Variants in PPP1R26 observed in about 807,000 individuals in gnomAD.
PPP1R26 encodes the protein protein phosphatase 1 regulatory subunit 26.
A neutral mutation model predicts 67.6 loss-of-function variants in PPP1R26; 22 were observed. The ratio of observed to expected loss-of-function variants is 0.33; its 90% CI spans 0.23 to 0.46. PPP1R26 has a LOEUF of 0.46. Ranked by LOEUF, PPP1R26 falls within the 20% of genes least tolerant of loss-of-function variation. PPP1R26 has a pLI of 1.00. For synonymous variants in PPP1R26, 729 were observed against 717.2 expected, an observed-to-expected ratio of 1.02 and a Z score of -0.26; for missense variants, 1,602 against 1,651.4, an observed-to-expected ratio of 0.97 and a Z score of 0.52.
At position 135,484,430 on chromosome 9, in the gene PPP1R26, G is replaced by C; in HGVS notation, c.-62-19G>C. Reference sequence around the variant, plus strand: ...CTGTTTGTAGCTGCATCATGCCCATGTGCTTTCTTTCCGCCCAGGATGTGA... The same window carrying C: ...CTGTTTGTAGCTGCATCATGCCCATCTGCTTTCTTTCCGCCCAGGATGTGA... On this transcript the variant is annotated intron_variant, in intron 3 of 3. Coordinates refer to ENST00000356818, the MANE Select transcript of PPP1R26 (RefSeq NM_014811.5). The C allele has an allele frequency of 1.5e-6, 2 of 1,313,134 alleles. No individual in the cohort carries two copies. Among genetic ancestry groups the C allele is most frequent in the South Asian group, 1.4e-5 (1 of 70,606 alleles). The allele number at this position is 1,313,134 out of a possible 1,614,324, so 81.3% of individuals were successfully genotyped here. A position where few individuals can be genotyped will look rare whatever the true frequency, so the allele number is the denominator to read the frequency against.
rs758181452 is a variant in PPP1R26 at position 135,487,921 on chromosome 9, A to T, written c.3411A>T (p.Ala1137=). The change falls in exon 4 of 4, where the codon GCA becomes GCT. Residue 1137 remains alanine, a synonymous_variant. Transcript: ENST00000356818. ...SPVFGSPHLL[A]KKDGGPWPTR... ...TCTTTGGAAGCCCACACTTGCTGGCAAAGAAGGACGGCGGCCCCTGGCCAA... is the reference window on the plus strand; with the variant it reads ...TCTTTGGAAGCCCACACTTGCTGGCTAAGAAGGACGGCGGCCCCTGGCCAA... 1 of 1,578,166 alleles carries T rather than the reference A, an allele frequency of 6.3e-7. No individual in the cohort carries two copies. Among genetic ancestry groups the T allele is most frequent in the Non-Finnish European group, 8.6e-7 (1 of 1,163,194 alleles).
chr9:135,484,179 C>T (rs1006951978), intron 3 of PPP1R26, 97 bp downstream of exon 3: 7 of 465,408 alleles, frequency 1.5e-5, no homozygotes, highest in African/African-American at 2.0e-5. Flanking sequence ...CGGGCGGCAC[C>T]GTGGAGGGTG....
rs1283474667 is a variant in PPP1R26, at chr9:135,484,717, A to C, written c.207A>C (p.Ala69=). Residue 69 remains alanine (A), a synonymous_variant, in exon 4 of 4, where the codon GCA becomes GCC. Coordinates refer to ENST00000356818, the MANE Select transcript of PPP1R26 (RefSeq NM_014811.5). ...AARGTSDERA[A]QRGHRAEGCH... ...GGGGCACCAGCGATGAGCGCGCCGC[A>C]CAGAGGGGCCACAGGGCAGAGGGAT... 1 of 1,609,958 alleles carries C rather than the reference A, an allele frequency of 6.2e-7. No homozygotes were observed. The highest frequency in any genetic ancestry group is 1.1e-5 in the South Asian group (1 of 90,926).
At position 135,484,753 on chromosome 9, in the gene PPP1R26, C is replaced by T. The variant is rs770105235; in HGVS notation, c.243C>T (p.Ala81=). 5.0e-6 allele frequency: 8 copies of T among 1,610,194 alleles called. No individual in the cohort carries two copies. The Admixed American group carries it at 1.3e-4, about 27-fold the overall frequency. ...RGHRAEGCHD[A]RPAAKPTVHK... is the part of the protein sequence containing the mutation. ...ACAGGGCAGAGGGATGCCACGACGC[C>T]AGGCCGGCTGCCAAGCCCACCGTGC... Residue 81 remains alanine, a synonymous_variant, in exon 4 of 4, where the codon GCC becomes GCT. Transcript: ENST00000356818.
intron 2 of PPP1R26, among the ~76,000 whole-genome samples, chr9:135,483,029 G>A (rs1285554270): frequency 2.5e-5 from 3 of 121,922 alleles, no homozygotes; most frequent in African/African-American, 9.6e-5. Flanking sequence ...TCATTCTGTC[G>A]CCCAGACTGG....
Position 135,486,380 on chromosome 9 carries a change from A to G in PPP1R26, c.1870A>G (p.Ser624Gly). Reference sequence around the variant, plus strand: ...AGACGGTAGCCAGGATGCCGACCACAGCCAGGGGAGAGCTGAGCCCGGCCA... The same window carrying G: ...AGACGGTAGCCAGGATGCCGACCACGGCCAGGGGAGAGCTGAGCCCGGCCA... ...VKDGSQDADH[S>G]QGRAEPGHER... Residue 624 changes from serine to glycine, a missense_variant, in exon 4 of 4, where the codon AGC becomes GGC. Physicochemically the swap from Ser to Gly is moderately conservative, Grantham distance 56. Transcript: ENST00000356818. The surrounding 1 kb of genome is among the most constrained non-coding windows in gnomAD (Gnocchi z 6.2). The G allele has an allele frequency of 6.2e-7, 1 of 1,613,218 alleles. No homozygotes were observed. Among genetic ancestry groups the G allele is most frequent in the Non-Finnish European group, 8.5e-7 (1 of 1,179,944 alleles).
chr9:135,480,476 T>C (rs1830474581), intron 1 of PPP1R26: 1 of 152,122 alleles, frequency 6.6e-6, no homozygotes, highest in Non-Finnish European at 1.5e-5. Context: ...GCAGACCTGC[T>C]TGGAGGCCCG....
Position 135,485,544 on chromosome 9 carries a change from G to A in PPP1R26, c.1034G>A (p.Arg345Lys). ...ATCAAAAGGAGCGCCAGCGCTGCAA[G>A]GAGGGGAAAGCGAGTCATGAGTGCG... ...GGIKRSASAA[R>K]RGKRVMSAAQ... The change falls in exon 4 of 4, where the codon AGG becomes AAG. Residue 345 changes from arginine to lysine, a missense_variant. Physicochemically the swap from Arg to Lys is conservative, Grantham distance 26. This residue lies in a region of PPP1R26 where 680 missense variants were observed against 726.1 expected (regional missense o/e 0.94). Transcript: ENST00000356818. This position sits in a 1 kb window ranked among gnomAD's most constrained non-coding sequence, Gnocchi z 7.2. The A allele has an allele frequency of 6.2e-7, 1 of 1,613,296 alleles. No individual in the cohort carries two copies.
intron 2 of PPP1R26, 124 bp downstream of exon 2, chr9:135,482,939 C>T: frequency 2.6e-6 from 1 of 389,510 alleles, no homozygotes; most frequent in Non-Finnish European, 4.5e-6. Context: ...TTTGGGCTCA[C>T]CTGTGTGTAG....
In PPP1R26 at chr9:135,484,699, C is replaced by T; in HGVS notation, c.189C>T (p.Thr63=). 6.2e-7 allele frequency: 1 copy of T among 1,609,890 alleles called. No homozygotes were observed. The highest frequency in any genetic ancestry group is 1.3e-5 in the African/African-American group (1 of 75,034). The part of the protein sequence containing the change: ...TLQRDGAARG[T]SDERAAQRGH... The stretch of plus-strand genomic sequence containing the variant: ...AGCGCGACGGGGCTGCTCGGGGCAC[C>T]AGCGATGAGCGCGCCGCACAGAGGG... The change falls in exon 4 of 4, where the codon ACC becomes ACT. Residue 63 remains threonine (T), a synonymous_variant. Coordinates refer to ENST00000356818, the MANE Select transcript of PPP1R26 (RefSeq NM_014811.5).
chr9:135,487,083 T>C lies in PPP1R26; in HGVS notation c.2573T>C (p.Val858Ala). 12 of 1,611,500 alleles carry C rather than the reference T, an allele frequency of 7.4e-6. No homozygotes were observed. Among genetic ancestry groups the C allele is most frequent in the Non-Finnish European group, 1.0e-5 (12 of 1,179,972 alleles). The change falls in exon 4 of 4, where the codon GTT becomes GCT. Residue 858 changes from valine (V) to alanine (A), a missense_variant. By Grantham distance (64) the Val-to-Ala change is moderately conservative. Coordinates refer to ENST00000356818, the MANE Select transcript of PPP1R26 (RefSeq NM_014811.5). ...AAGGAGTCAGTGAGCAGTTCAGAAGTTCAGGCAGAGGGCCCCACCGCTCTT... is the reference window on the plus strand; with the variant it reads ...AAGGAGTCAGTGAGCAGTTCAGAAGCTCAGGCAGAGGGCCCCACCGCTCTT... The part of the protein sequence containing the change: ...KAKESVSSSE[V>A]QAEGPTALGT...
chr9:135,488,201 T>C lies in PPP1R26; in HGVS notation c.*61T>C, dbSNP rs1830841428. The C allele has an allele frequency of 6.8e-7, 1 of 1,469,486 alleles. No individual in the cohort carries two copies. The allele number at this position is 1,469,486 out of a possible 1,614,324, so 91.0% of individuals were successfully genotyped here. A position where few individuals can be genotyped will look rare whatever the true frequency, so the allele number is the denominator to read the frequency against. ...GCATTCGTGGAAAGCGGCGTAGCCG[T>C]GCGTGTGTGTGATGGTTCCGTGGCT... On this transcript the variant is annotated 3_prime_UTR_variant, in exon 4 of 4. Transcript: ENST00000356818.
Position 135,487,727 on chromosome 9 carries a change from C to T in PPP1R26, c.3217C>T (p.Leu1073=), listed in dbSNP as rs754059584. The T allele has an allele frequency of 6.9e-7, 1 of 1,455,208 alleles. No individual in the cohort carries two copies. Among genetic ancestry groups the T allele is most frequent in the Admixed American group, 2.9e-5 (1 of 34,968 alleles). The allele number at this position is 1,455,208 out of a possible 1,614,324, so 90.1% of individuals were successfully genotyped here. A position where few individuals can be genotyped will look rare whatever the true frequency, so the allele number is the denominator to read the frequency against. ...GGGCCCCGCCCGGGGCCTGCCCAGCCTGCCCCTTGCGGGCTTCTCGCCGCT... is the reference window on the plus strand; with the variant it reads ...GGGCCCCGCCCGGGGCCTGCCCAGCTTGCCCCTTGCGGGCTTCTCGCCGCT... ...SEGPARGLPS[L]PLAGFSPLLS... The change falls in exon 4 of 4, where the codon CTG becomes TTG. Residue 1073 remains leucine, a synonymous_variant. Transcript: ENST00000356818.
intron 1 of PPP1R26, among the ~76,000 whole-genome samples, chr9:135,481,018 C>T (rs917001473): frequency 2.0e-5 from 3 of 152,084 alleles, no homozygotes; most frequent in Non-Finnish European, 4.4e-5. Flanking sequence ...AGTGTGGGTG[C>T]TTTGGTTCTC....
In PPP1R26 at chr9:135,480,021, A is replaced by C; in HGVS notation, c.-330A>C. ...GCGGCGGGCGGCGGGGGACGGGCGG[A>C]GGTGAGCGGGTGCAGGGCCGGGGCC... On this transcript the variant is annotated splice_region_variant and 5_prime_UTR_variant, in exon 1 of 4. Coordinates refer to ENST00000356818, the MANE Select transcript of PPP1R26 (RefSeq NM_014811.5). 1 of 110,346 alleles carries C rather than the reference A, an allele frequency of 9.1e-6. No homozygotes were observed. The highest frequency in any genetic ancestry group is 1.9e-5 in the Non-Finnish European group (1 of 52,576). The allele number at this position is 110,346 out of a possible 1,614,324, so 6.8% of individuals were successfully genotyped here.
At position 135,486,879 on chromosome 9, in the gene PPP1R26, C is replaced by T. The variant is rs147012627; in HGVS notation, c.2369C>T (p.Ala790Val). 2.2e-5 allele frequency: 35 copies of T among 1,612,308 alleles called. No individual in the cohort carries two copies. The African/African-American group carries it at 2.5e-4, about 12-fold the overall frequency. ...CAGGAGGGTGCCGCGAGCCAGGACG[C>T]GGCCCTGGCCTTCCGGGTGAGGAGA... is the stretch of plus-strand genomic sequence containing the variant. ...MRQEGAASQD[A>V]ALAFRVRRPA... The change falls in exon 4 of 4, where the codon GCG becomes GTG. Residue 790 changes from alanine (A) to valine (V), a missense_variant. This residue lies in a region of PPP1R26 where 740 missense variants were observed against 696.3 expected (regional missense o/e 1.06). Transcript: ENST00000356818. This position sits in a 1 kb window ranked among gnomAD's most constrained non-coding sequence, Gnocchi z 6.2.
chr9:135,487,927 G>A lies in PPP1R26; in HGVS notation c.3417G>A (p.Lys1139=), dbSNP rs1366024271. Residue 1139 remains lysine, a synonymous_variant, in exon 4 of 4, where the codon AAG becomes AAA. Transcript: ENST00000356818. The part of the protein sequence containing the change: ...VFGSPHLLAK[K]DGGPWPTRKA... The stretch of plus-strand genomic sequence containing the variant: ...GAAGCCCACACTTGCTGGCAAAGAA[G>A]GACGGCGGCCCCTGGCCAACCAGGA... The A allele has an allele frequency of 1.3e-6, 2 of 1,580,842 alleles. No individual in the cohort carries two copies. Among genetic ancestry groups the A allele is most frequent in the South Asian group, 1.2e-5 (1 of 86,460 alleles).
chr9:135,486,959 C>T lies in PPP1R26; in HGVS notation c.2449C>T (p.Pro817Ser), dbSNP rs1830760404. 6.2e-7 allele frequency: 1 copy of T among 1,612,940 alleles called. No homozygotes were observed. ...TCCATTCCCCAGGGAGTCCCAGGGC[C>T]CAGCTCCCAGCCCCGGCTCCCTGTC... Reference protein sequence around the residue: ...GNPFPRESQGPAPSPGSLSDD... With the variant: ...GNPFPRESQGSAPSPGSLSDD... The change falls in exon 4 of 4, where the codon CCA becomes TCA. Residue 817 changes from proline to serine, a missense_variant. By Grantham distance (74) the Pro-to-Ser change is moderately conservative. Transcript: ENST00000356818. The surrounding 1 kb of genome is among the most constrained non-coding windows in gnomAD (Gnocchi z 6.2).
At position 135,488,826 on chromosome 9, in the gene PPP1R26, G is replaced by T. The variant is rs1830865428; in HGVS notation, c.*686G>T. 6.0e-6 allele frequency: 1 copy of T among 166,906 alleles called. No homozygotes were observed. The highest frequency in any genetic ancestry group is 2.4e-5 in the African/African-American group (1 of 41,420). 10.3% of individuals were successfully genotyped at this position (166,906 alleles called of 1,614,324 possible). A position where few individuals can be genotyped will look rare whatever the true frequency, so the allele number is the denominator to read the frequency against. ...GGCAGCCCAGCCCTGGGCCTGGGTG[G>T]GTTCATGTCCAATCTTGTTCGATCA... On this transcript the variant is annotated 3_prime_UTR_variant, in exon 4 of 4. Transcript: ENST00000356818.
Sources: gnomAD v4.1 joint callset for allele counts (sites outside exome capture counted in the v4.1 genomes callset) on GRCh38, gnomAD v4.1.1 for gene constraint, gnomAD v4.1.1 regional missense constraint, Gnocchi (gnomAD v3.1) non-coding constraint, MANE v1.5 for transcripts, NCBI Gene and HGNC (gene_info 2026-07-23, HGNC 2026-07-21) for gene names.